PSD3: variants seen among roughly 807,000 people sequenced by gnomAD.
The protein encoded by PSD3 is PH and SEC7 domain-containing protein 3.
PSD3 carries 49 observed loss-of-function variants against 105.5 expected under a neutral mutation model. The ratio of observed to expected loss-of-function variants is 0.46; its 90% CI spans 0.37 to 0.59. PSD3 has a LOEUF of 0.59. Among genes scored for constraint, PSD3 ranks in the 20% least tolerant of loss-of-function variants. The pLI is 0.00. For synonymous variants in PSD3, 557 were observed against 457.8 expected (o/e 1.22, Z -2.77); for missense variants, 1,561 against 1,263.8 (o/e 1.24, Z -3.57).
chr8:18,711,149 G>A (rs1310574458), intron 9 of PSD3, among the ~76,000 whole-genome samples: 1 of 152,116 alleles, frequency 6.6e-6, no homozygotes. Context: ...CACTGAATAT[G>A]GAAAGGGAAA....
At chr8:18,672,398 G>C (rs560985072) in intron 9 of PSD3, among the ~76,000 whole-genome samples, 1 of 152,172 alleles carries the variant, frequency 6.6e-6, no homozygotes, top group South Asian at 2.1e-4. Flanking sequence ...TGCCAGGCCT[G>C]GCATTTGTTC....
At chr8:18,686,446 A>T (rs1039732752) in intron 9 of PSD3, among the ~76,000 whole-genome samples, 2 of 152,228 alleles carry the variant, frequency 1.3e-5, no homozygotes, top group African/African-American at 4.8e-5. Flanking sequence ...CTTTTCTGCA[A>T]GTCAGGGAGA....
In PSD3 at chr8:18,619,514, G is replaced by A. The variant is rs1195023899; in HGVS notation, c.2410+13099C>T. On this transcript the variant is annotated intron_variant, in intron 11 of 15. Coordinates refer to ENST00000327040, the MANE Select transcript of PSD3 (RefSeq NM_015310.4). ...CAAAATTAGCCGGGTGTGGTGGTGC[G>A]TGCCTGTAATCCCAGCTACTTGGGA... Among the ~76,000 whole-genome samples, 17 of 152,032 alleles carry A rather than the reference G, an allele frequency of 1.1e-4. 1 individual carries two copies. Among genetic ancestry groups the A allele is most frequent in the Admixed American group, 2.0e-4 (3 of 15,276 alleles).
intron 1 of PSD3, among the ~76,000 whole-genome samples, chr8:19,031,707 T>C (rs1827779204): frequency 6.6e-6 from 1 of 152,142 alleles, no homozygotes; most frequent in South Asian, 2.1e-4. Context: ...GGGTGCTACT[T>C]GGGAGGAAAA....
chr8:19,054,435 A>T (rs1828639625), intron 1 of PSD3, among the ~76,000 whole-genome samples: 1 of 152,150 alleles, frequency 6.6e-6, no homozygotes, highest in Admixed American at 6.5e-5. Context: ...GAGACTGAAT[A>T]ATGTTTGTTG....
At chr8:18,605,486 G>A (rs1804755159) in intron 11 of PSD3, among the ~76,000 whole-genome samples, 1 of 152,108 alleles carries the variant, frequency 6.6e-6, no homozygotes, top group African/African-American at 2.4e-5. Flanking sequence ...AGGTTCATAG[G>A]TAGAAGGAAC....
At chr8:19,028,338 G>T (rs1827641199) in intron 1 of PSD3, among the ~76,000 whole-genome samples, 1 of 108,512 alleles carries the variant, frequency 9.2e-6, no homozygotes, top group East Asian at 3.1e-4. Context: ...TGTGAAGATT[G>T]TGTAGATTGT....
At chr8:18,727,566 A>ACACACACACACACACACACG (rs1803424518) in intron 9 of PSD3, among the ~76,000 whole-genome samples, 1 of 149,918 alleles carries the variant, frequency 6.7e-6, no homozygotes, top group Non-Finnish European at 1.5e-5. Flanking sequence ...ACACACACAC[A>ACACACACACACACACACACG]CACACACACA....
At chr8:18,619,600 G>A (rs35522499) in intron 11 of PSD3, among the ~76,000 whole-genome samples, 24,640 of 150,502 alleles carry the variant, frequency 0.16, 2,169 homozygotes, top group Middle Eastern at 0.35. Flanking sequence ...CTGAGATCAC[G>A]CCACTGCACT....
chr8:18,875,416 A>G (rs1436174610), intron 2 of PSD3, among the ~76,000 whole-genome samples: 1 of 152,112 alleles, frequency 6.6e-6, no homozygotes, highest in African/African-American at 2.4e-5. Context: ...AGGGTGGAAT[A>G]TTGATATTTT....
chr8:18,898,322 T>C (rs943365413), intron 2 of PSD3, among the ~76,000 whole-genome samples: 13 of 152,202 alleles, frequency 8.5e-5, no homozygotes, highest in African/African-American at 3.1e-4. Flanking sequence ...TATATCTGCT[T>C]GCTGAATTGA....
intron 4 of PSD3, among the ~76,000 whole-genome samples, chr8:18,836,281 T>A (rs573910172): frequency 6.6e-6 from 1 of 152,296 alleles, no homozygotes; most frequent in South Asian, 2.1e-4. Context: ...GCAAACATGC[T>A]CAGGTGTTCC....
chr8:18,807,104 G>A (rs62498292), intron 4 of PSD3, among the ~76,000 whole-genome samples: 1 of 152,090 alleles, frequency 6.6e-6, no homozygotes, highest in Non-Finnish European at 1.5e-5. Context: ...CTTACATCAC[G>A]AAATGACAAA....
intron 10 of PSD3, among the ~76,000 whole-genome samples, chr8:18,647,693 G>C (rs1029707850): frequency 6.7e-6 from 1 of 149,324 alleles, no homozygotes; most frequent in African/African-American, 2.5e-5. Context: ...GAGTGATTTG[G>C]TTTGGATCTG....
intron 8 of PSD3, among the ~76,000 whole-genome samples, chr8:18,798,044 C>T (rs910874671): frequency 3.3e-5 from 5 of 152,118 alleles, no homozygotes; most frequent in East Asian, 1.9e-4. Flanking sequence ...GCCAGTAACA[C>T]GAAAAAAGTG....
intron 8 of PSD3, among the ~76,000 whole-genome samples, chr8:18,781,144 A>G (rs1808588063): frequency 6.6e-6 from 1 of 152,086 alleles, no homozygotes. Context: ...CACCACGTTG[A>G]TTTCTTATTA....
At chr8:18,613,539 C>G (rs1051760289) in intron 11 of PSD3, among the ~76,000 whole-genome samples, 1 of 150,584 alleles carries the variant, frequency 6.6e-6, no homozygotes, top group Admixed American at 6.6e-5. Flanking sequence ...GACAAGAACC[C>G]CGTTTTTTTT....
intron 12 of PSD3, among the ~76,000 whole-genome samples, chr8:18,586,514 G>C (rs1803198551): frequency 6.6e-6 from 1 of 152,142 alleles, no homozygotes; most frequent in Non-Finnish European, 1.5e-5. Flanking sequence ...ATAATGAAAT[G>C]AGACCCTAAA....
chr8:18,768,875 T>G (rs1199474103), intron 8 of PSD3, among the ~76,000 whole-genome samples: 1 of 152,206 alleles, frequency 6.6e-6, no homozygotes, highest in Non-Finnish European at 1.5e-5. Flanking sequence ...CTGAAAAAAA[T>G]GGTTTGACAG....
Sources: allele counts gnomAD v4.1 joint callset (sites outside exome capture counted in the v4.1 genomes callset), GRCh38; gene constraint gnomAD v4.1.1; transcripts MANE v1.5; gene names NCBI Gene and HGNC (gene_info 2026-07-23, HGNC 2026-07-21).